The following EMB variants were observed in gnomAD, a reference collection of about 807,000 sequenced individuals.
EMB encodes the protein embigin homolog.
EMB carries 31 observed loss-of-function variants against 41.4 expected under a neutral mutation model. The ratio of observed to expected loss-of-function variants is 0.75; its 90% CI spans 0.56 to 1.01. The LOEUF is 1.01. Ranked by LOEUF, EMB falls within the 50% of genes least tolerant of loss-of-function variation. The pLI is 0.00. For synonymous variants in EMB, 137 were observed against 140.4 expected, an observed-to-expected ratio of 0.98 and a Z score of 0.17; for missense variants, 379 against 388.3, an observed-to-expected ratio of 0.98 and a Z score of 0.20.
intron 3 of EMB, 67 bp downstream of exon 3, chr5:50,411,130 G>C: frequency 1.4e-6 from 2 of 1,408,156 alleles, no homozygotes; most frequent in Non-Finnish European, 1.9e-6. Flanking sequence ...AGAATGCTCA[G>C]TCAGCAAAAA....
In EMB at chr5:50,441,214, T is replaced by G; in HGVS notation, c.-63A>C. 5 of 1,061,878 alleles carry G rather than the reference T, an allele frequency of 4.7e-6. No individual in the cohort carries two copies. Among genetic ancestry groups the G allele is most frequent in the Non-Finnish European group, 6.2e-6 (5 of 801,022 alleles). The allele number at this position is 1,061,878 out of a possible 1,614,324, so 65.8% of individuals were successfully genotyped here. A position where few individuals can be genotyped will look rare whatever the true frequency, so the allele number is the denominator to read the frequency against. ...CTCCCTCAGCTCGCCGCCGCGGGTG[T>G]CCAGAGTCCCTGCGCACACTCGCAG... On this transcript the variant is annotated 5_prime_UTR_variant, in exon 1 of 9. Coordinates refer to ENST00000303221, the MANE Select transcript of EMB (RefSeq NM_198449.3).
chr5:50,429,623 A>T (rs962423426), intron 1 of EMB, among the ~76,000 whole-genome samples: 21 of 152,202 alleles, frequency 1.4e-4, no homozygotes, highest in Non-Finnish European at 2.5e-4. Context: ...CCACCATGGC[A>T]CATGTATACC....
rs1357039721 is a variant in EMB at position 50,403,525 on chromosome 5, G to A, written c.601-71C>T. The A allele has an allele frequency of 2.0e-6, 3 of 1,501,920 alleles. No individual in the cohort carries two copies. In the African/African-American group the frequency reaches 4.2e-5, roughly 21 times the overall value. The allele number at this position is 1,501,920 out of a possible 1,614,324, so 93.0% of individuals were successfully genotyped here. A position where few individuals can be genotyped will look rare whatever the true frequency, so the allele number is the denominator to read the frequency against. On this transcript the variant is annotated intron_variant, in intron 5 of 8. Coordinates refer to ENST00000303221, the MANE Select transcript of EMB (RefSeq NM_198449.3). Reference sequence around the variant, plus strand: ...AAGATACATGACATAGTTTTTCAGTGAAAGCTATAAGATAATGCCAACAAT... The same window carrying A: ...AAGATACATGACATAGTTTTTCAGTAAAAGCTATAAGATAATGCCAACAAT...
intron 2 of EMB, among the ~76,000 whole-genome samples, chr5:50,414,902 G>C (rs1232187315): frequency 6.6e-6 from 1 of 152,048 alleles, no homozygotes; most frequent in East Asian, 1.9e-4. Context: ...TCAGGATTTT[G>C]CTCTCTGGTC....
chr5:50,425,368 A>G (rs1487762963), intron 2 of EMB, among the ~76,000 whole-genome samples: 2 of 152,164 alleles, frequency 1.3e-5, no homozygotes, highest in Admixed American at 1.3e-4. Flanking sequence ...CCTTTGGGTC[A>G]ACACAGGAGA....
chr5:50,406,218 A>T (rs1326145949), intron 4 of EMB, among the ~76,000 whole-genome samples: 1 of 151,820 alleles, frequency 6.6e-6, no homozygotes, highest in African/African-American at 2.4e-5. Flanking sequence ...TATTTTCTTC[A>T]AAGTTTTAAC....
chr5:50,420,258 A>C (rs1370356106), intron 2 of EMB, among the ~76,000 whole-genome samples: 2 of 152,222 alleles, frequency 1.3e-5, no homozygotes, highest in Non-Finnish European at 2.9e-5. Context: ...CACCAGATCA[A>C]GATAAGGGCT....
intron 1 of EMB, 175 bp from the exon 2 acceptor site, chr5:50,428,402 T>C: frequency 8.3e-7 from 1 of 1,207,556 alleles, no homozygotes; most frequent in Non-Finnish European, 1.0e-6. Flanking sequence ...GGCTATTAAA[T>C]GTGAAAAAAA....
chr5:50,417,175 A>T (rs1745443162), intron 2 of EMB, among the ~76,000 whole-genome samples: 1 of 152,182 alleles, frequency 6.6e-6, no homozygotes, highest in Admixed American at 6.5e-5. Context: ...AAAAGTCAAT[A>T]AAGCTTCATG....
chr5:50,405,847 C>G lies in EMB; in HGVS notation c.478G>C (p.Glu160Gln). 6.3e-7 allele frequency: 1 copy of G among 1,581,954 alleles called. No homozygotes were observed. Among genetic ancestry groups the G allele is most frequent in the Non-Finnish European group, 8.6e-7 (1 of 1,168,048 alleles). The part of the protein sequence containing the change: ...QRGTFNFKVP[E>Q]LHGKNKPLIS... The stretch of plus-strand genomic sequence containing the variant: ...AATGGCTTGTTTTTCCCATGAAGTT[C>G]AGGGACTGAGAATAAAATAGAGAAA... Residue 160 changes from glutamate to glutamine, a missense_variant, in exon 5 of 9, where the codon GAA becomes CAA. Glu to Gln is a conservative substitution (Grantham distance 29, BLOSUM62 2). Coordinates refer to ENST00000303221, the MANE Select transcript of EMB (RefSeq NM_198449.3).
intron 1 of EMB, among the ~76,000 whole-genome samples, chr5:50,428,926 C>G (rs566342167): frequency 5.9e-5 from 9 of 151,898 alleles, no homozygotes; most frequent in Non-Finnish European, 1.3e-4. Context: ...ATGGGAGTCT[C>G]ACTCAGTTGC....
rs1745101746 is a variant in EMB, at chr5:50,398,158, T to A, written c.*1115A>T. On this transcript the variant is annotated 3_prime_UTR_variant, in exon 9 of 9. Coordinates refer to ENST00000303221, the MANE Select transcript of EMB (RefSeq NM_198449.3). ...TCATGGTCATTTATGTTATCTAGTA[T>A]CTTGTGGTATGATTTTAGTATTCAT... 1 of 151,378 alleles carries A rather than the reference T, an allele frequency of 6.6e-6. No individual in the cohort carries two copies. Among genetic ancestry groups the A allele is most frequent in the South Asian group, 2.1e-4 (1 of 4,786 alleles). 9.4% of individuals were successfully genotyped at this position (151,378 alleles called of 1,614,324 possible).
rs1225906088 is a variant in EMB at position 50,421,669 on chromosome 5, G to T, written c.196+6475C>A. Reference sequence around the variant, plus strand: ...CCAAATGTCCAACAATGATAGACTGGATTAAGAAAATGTGGCACATATACA... The same window carrying T: ...CCAAATGTCCAACAATGATAGACTGTATTAAGAAAATGTGGCACATATACA... On this transcript the variant is annotated intron_variant, in intron 2 of 8. Coordinates refer to ENST00000303221, the MANE Select transcript of EMB (RefSeq NM_198449.3). Among the ~76,000 whole-genome samples the T allele has an allele frequency of 4.6e-5, 7 of 151,884 alleles. No individual in the cohort carries two copies. The East Asian group carries it at 1.4e-3, about 29-fold the overall frequency.
intron 2 of EMB, among the ~76,000 whole-genome samples, chr5:50,421,210 T>C (rs1386859283): frequency 1.3e-5 from 2 of 152,082 alleles, no homozygotes; most frequent in Admixed American, 6.6e-5. Context: ...TTTTAAGAAA[T>C]GCAACCATCA....
At chr5:50,411,417 T>C in intron 2 of EMB, 34 bp from the exon 3 acceptor site, 1 of 1,473,250 alleles carries the variant, frequency 6.8e-7, no homozygotes, top group Non-Finnish European at 9.2e-7. Flanking sequence ...ATGTGAAAGT[T>C]ATATTCAGAG....
chr5:50,402,876 C>CA (rs564451334), intron 6 of EMB, among the ~76,000 whole-genome samples: 6,205 of 52,586 alleles, frequency 0.12, 204 homozygotes, highest in Non-Finnish European at 0.14. Context: ...CCAGTAGCAC[C>CA]AAAAAAAAAA....
At chr5:50,434,713 T>G (rs1252087759) in intron 1 of EMB, among the ~76,000 whole-genome samples, 1 of 152,162 alleles carries the variant, frequency 6.6e-6, no homozygotes, top group Non-Finnish European at 1.5e-5. Context: ...ACTTCAAAAA[T>G]GCCAGGAAAA....
Position 50,407,337 on chromosome 5 carries a change from T to C in EMB, c.473-1485A>G, listed in dbSNP as rs113101343. Among the ~76,000 whole-genome samples, 402 of 151,572 alleles carry C rather than the reference T, an allele frequency of 2.7e-3. 1 individual carries two copies. Among genetic ancestry groups the C allele is most frequent in the Middle Eastern group, 0.017 (5 of 292 alleles). On this transcript the variant is annotated intron_variant, in intron 4 of 8. Transcript: ENST00000303221. ...TGAAGAGCTACCTGCTTGGGAAGCA[T>C]AATGGAAGCTGCGAGGCGCTTTTCA...
At position 50,411,185 on chromosome 5, in the gene EMB, T is replaced by C. The variant is rs376588061; in HGVS notation, c.383+12A>G. 6 of 1,577,232 alleles carry C rather than the reference T, an allele frequency of 3.8e-6. No homozygotes were observed. The African/African-American group carries it at 6.8e-5, about 18-fold the overall frequency. On this transcript the variant is annotated intron_variant, in intron 3 of 8. Coordinates refer to ENST00000303221, the MANE Select transcript of EMB (RefSeq NM_198449.3). ...TTTGGTGAGCAAGGTAGGTTAAAAT[T>C]TGTATACTCACCTGTATTGGGTATA...
Sources: gnomAD v4.1 joint callset for allele counts (sites outside exome capture counted in the v4.1 genomes callset) on GRCh38, gnomAD v4.1.1 for gene constraint, MANE v1.5 for transcripts, NCBI Gene and HGNC (gene_info 2026-07-23, HGNC 2026-07-21) for gene names.